HPF1: variants seen among roughly 807,000 people sequenced by gnomAD.
HPF1 encodes UPF0609 protein C4orf27.
A neutral mutation model predicts 38.8 loss-of-function variants in HPF1; 35 were observed. The ratio of observed to expected loss-of-function variants is 0.90; its 90% CI spans 0.69 to 1.19. The LOEUF is 1.19. HPF1 is among the 50% of genes most tolerant of loss of function. The probability of loss-of-function intolerance (pLI) is 0.00; values close to 1 mark genes in which losing one functional copy is unlikely to be tolerated. For missense variants in HPF1, 367 were observed against 405.8 expected, an observed-to-expected ratio of 0.90 and a Z score of 0.82; for synonymous variants, 115 against 139.2, an observed-to-expected ratio of 0.83 and a Z score of 1.22.
intron 4 of HPF1, 82 bp downstream of exon 4, chr4:169,748,662 G>A (rs1226839100): frequency 1.4e-5 from 9 of 666,198 alleles, no homozygotes; most frequent in South Asian, 1.1e-4. Context: ...GTAAGCCACT[G>A]TGCCCAGCCC....
chr4:169,742,696 G>A (rs762894744), intron 4 of HPF1, among the ~76,000 whole-genome samples: 5 of 152,190 alleles, frequency 3.3e-5, no homozygotes, highest in Non-Finnish European at 5.9e-5. Flanking sequence ...GGAGGCTGAG[G>A]CAGGAGAACG....
chr4:169,754,316 A>G lies in HPF1; in HGVS notation c.49-481T>C, dbSNP rs1734155640. On this transcript the variant is annotated intron_variant, in intron 1 of 7. Transcript: ENST00000393381. The stretch of plus-strand genomic sequence containing the variant: ...TTCACTACAATCATTACCCAGCCTT[A>G]AAAACAGATACCTCCCTTTTGATTT... Among the ~76,000 whole-genome samples the G allele has an allele frequency of 1.3e-5, 2 of 152,214 alleles. 1 individual carries two copies. Among genetic ancestry groups the G allele is most frequent in the South Asian group, 4.1e-4 (2 of 4,832 alleles).
rs117867076 is a variant in HPF1, at chr4:169,749,260, A to T, written c.399-418T>A. On this transcript the variant is annotated intron_variant, in intron 3 of 7. Transcript: ENST00000393381. ...TAAATTTATACTGTTGCTGGTGTAT[A>T]TGTAGTAGATATGGAATGAATGTTT... is the stretch of plus-strand genomic sequence containing the variant. Among the ~76,000 whole-genome samples the T allele has an allele frequency of 2.2e-4, 34 of 152,338 alleles. No individual in the cohort carries two copies. The East Asian group carries it at 6.2e-3, about 28-fold the overall frequency.
Position 169,737,706 on chromosome 4 carries a change from T to C in HPF1, c.690A>G (p.Pro230=), listed in dbSNP as rs1560887616. The change falls in exon 6 of 8, where the codon CCA becomes CCG. Residue 230 remains proline (P), a synonymous_variant. Transcript: ENST00000393381. ...GGTACCCAACATCATTTTTATCTAC[T>C]GGAACAACCAAGCCTGCACCATGAA... The part of the protein sequence containing the change: ...KTFHGAGLVV[P]VDKNDVGYRE... The C allele has an allele frequency of 2.5e-6, 4 of 1,612,828 alleles. No homozygotes were observed. Among genetic ancestry groups the C allele is most frequent in the South Asian group, 1.1e-5 (1 of 91,026 alleles).
chr4:169,730,660 C>A (rs4692742), intron 7 of HPF1, among the ~76,000 whole-genome samples: 2 of 152,032 alleles, frequency 1.3e-5, no homozygotes, highest in African/African-American at 2.4e-5. Flanking sequence ...TTTGGACAAG[C>A]CTTCCCATTG....
intron 4 of HPF1, among the ~76,000 whole-genome samples, chr4:169,742,466 AAAAAGTAGACATC>A (rs1276992159): frequency 5.3e-5 from 8 of 152,118 alleles, no homozygotes; most frequent in Non-Finnish European, 1.2e-4. Flanking sequence ...CTAACAGAAA[AAAAAGTAGACATC>A]AAAAAAAAGT....
At chr4:169,730,404 G>C (rs952761784) in intron 7 of HPF1, among the ~76,000 whole-genome samples, 6 of 152,178 alleles carry the variant, frequency 3.9e-5, no homozygotes, top group Non-Finnish European at 7.4e-5. Flanking sequence ...AGCAGGTCAA[G>C]TACTATTTGG....
chr4:169,731,988 A>T, intron 6 of HPF1, 112 bp from the exon 7 acceptor site: 1 of 817,102 alleles, frequency 1.2e-6, no homozygotes, highest in Non-Finnish European at 1.9e-6. Context: ...TTGTACTAAT[A>T]CAACTTGTGC....
chr4:169,754,309 CAGCCTTAAAAACAGAT>C (rs1397708388), intron 1 of HPF1, among the ~76,000 whole-genome samples: 1 of 152,118 alleles, frequency 6.6e-6, no homozygotes, highest in Non-Finnish European at 1.5e-5. Context: ...AATCATTACC[CAGCCTTAAAAACAGAT>C]ACCTCCCTTT....
intron 7 of HPF1, among the ~76,000 whole-genome samples, chr4:169,730,619 T>C (rs1052100387): frequency 9.9e-5 from 15 of 152,144 alleles, no homozygotes; most frequent in African/African-American, 3.1e-4. Flanking sequence ...TCAATCAAAC[T>C]TGGGGAGGGT....
At chr4:169,731,124 C>T (rs1330470731) in intron 7 of HPF1, among the ~76,000 whole-genome samples, 3 of 152,184 alleles carry the variant, frequency 2.0e-5, no homozygotes, top group Non-Finnish European at 4.4e-5. Context: ...AGGTCATATC[C>T]GCTACACCTT....
intron 2 of HPF1, among the ~76,000 whole-genome samples, chr4:169,752,619 ACT>A (rs1287732189): frequency 6.6e-6 from 1 of 151,902 alleles, no homozygotes; most frequent in Non-Finnish European, 1.5e-5. Flanking sequence ...TACTCTATAC[ACT>A]CTTCTTTTTC....
intron 5 of HPF1, among the ~76,000 whole-genome samples, chr4:169,738,028 C>G (rs762882799): frequency 8.6e-5 from 13 of 152,024 alleles, no homozygotes; most frequent in South Asian, 2.1e-4. Context: ...AAGGAAGAAC[C>G]CAATACATCC....
At chr4:169,742,946 C>G (rs571208114) in intron 4 of HPF1, among the ~76,000 whole-genome samples, 2 of 151,110 alleles carry the variant, frequency 1.3e-5, no homozygotes, top group South Asian at 4.2e-4. Flanking sequence ...ACCAAAAATA[C>G]AAAAATTAGC....
At position 169,742,088 on chromosome 4, in the gene HPF1, GT is replaced by G. The variant is rs34118589; in HGVS notation, c.516del (p.Lys172AsnfsTer5). 1.1e-3 allele frequency: 1,845 copies of G among 1,610,774 alleles called. 2 individuals carry two copies. The highest frequency in any genetic ancestry group is 1.5e-3 in the Non-Finnish European group (1,747 of 1,178,372). Reference sequence around the variant, plus strand: ...TTCTTTTTATCCGTTATTTCTCTAAGTTTTTTCGTCAAAAATAATCTGAAAA... The same window carrying G: ...TTCTTTTTATCCGTTATTTCTCTAAGTTTTTCGTCAAAAATAATCTGAAAA... ...FAAVKLFLTK[K>X]LREITDKKKI... On this transcript the variant is annotated frameshift_variant, in exon 5 of 8. Transcript: ENST00000393381. LOFTEE classifies it high-confidence loss of function.
chr4:169,736,179 G>A (rs1733889720), intron 6 of HPF1, among the ~76,000 whole-genome samples: 1 of 151,496 alleles, frequency 6.6e-6, no homozygotes, highest in Admixed American at 6.6e-5. Flanking sequence ...AGGAGTTCGA[G>A]ACCAGCATCG....
At position 169,732,503 on chromosome 4, in the gene HPF1, A is replaced by C. The variant is rs142101531; in HGVS notation, c.737-627T>G. 7.1e-3 allele frequency among the ~76,000 whole-genome samples: 1,084 copies of C among 152,296 alleles called. 14 individuals carry two copies. The highest frequency in any genetic ancestry group is 0.025 in the African/African-American group (1,039 of 41,568). On this transcript the variant is annotated intron_variant, in intron 6 of 7. Transcript: ENST00000393381. ...CATCATGCATTTACATAAGCTTTAA[A>C]GATTCAGCAGACTAGTCCAGGAGTT...
chr4:169,746,212 C>T (rs1470251829), intron 4 of HPF1, among the ~76,000 whole-genome samples: 2 of 152,116 alleles, frequency 1.3e-5, no homozygotes, highest in Non-Finnish European at 2.9e-5. Flanking sequence ...CTAATCTTCC[C>T]TATTGCTGGA....
intron 2 of HPF1, among the ~76,000 whole-genome samples, chr4:169,753,028 G>GTTTTTTTTTT (rs71590035): frequency 1.1e-4 from 11 of 103,884 alleles, no homozygotes; most frequent in African/African-American, 1.5e-4. Flanking sequence ...CCTTGGTTAG[G>GTTTTTTTTTT]TTTTTTTTTT....
Sources: gnomAD v4.1 joint callset for allele counts (sites outside exome capture counted in the v4.1 genomes callset) on GRCh38, gnomAD v4.1.1 for gene constraint, MANE v1.5 for transcripts, NCBI Gene and HGNC (gene_info 2026-07-23, HGNC 2026-07-21) for gene names.